KATNAL2: variants seen among roughly 807,000 people sequenced by gnomAD.
KATNAL2 encodes katanin p60 ATPase-containing subunit A-like 2.
A neutral mutation model predicts 76.3 loss-of-function variants in KATNAL2; 52 were observed. The observed-to-expected ratio is 0.68, with a 90% CI of 0.55 to 0.86. KATNAL2 has a LOEUF of 0.86. Ranked by LOEUF, KATNAL2 falls within the 40% of genes least tolerant of loss-of-function variation. KATNAL2 has a pLI of 0.00. For synonymous variants in KATNAL2, 243 were observed against 244.2 expected, an observed-to-expected ratio of 1.00 and a Z score of 0.05; for missense variants, 660 against 668.9, an observed-to-expected ratio of 0.99 and a Z score of 0.15.
At chr18:47,033,497 A>G (rs758786567) in intron 3 of KATNAL2, 1 of 1,614,144 alleles carries the variant, frequency 6.2e-7, no homozygotes, top group Admixed American at 1.7e-5. Flanking sequence ...AAGTCCTGGA[A>G]ACAATGATTC....
intron 1 of KATNAL2, chr18:46,920,227 C>T: frequency 2.2e-6 from 1 of 462,670 alleles, no homozygotes; most frequent in Non-Finnish European, 4.2e-6. Flanking sequence ...AGTATTAGAT[C>T]ACAACTGGGC....
At chr18:47,055,713 G>A (rs771659987) in intron 6 of KATNAL2, among the ~76,000 whole-genome samples, 7 of 152,326 alleles carry the variant, frequency 4.6e-5, no homozygotes, top group African/African-American at 9.6e-5. Context: ...CATGAGGAGC[G>A]TTTGCAGCCA....
At chr18:46,918,713 C>T (rs2058296564) in intron 1 of KATNAL2, among the ~76,000 whole-genome samples, 1 of 152,162 alleles carries the variant, frequency 6.6e-6, no homozygotes, top group Non-Finnish European at 1.5e-5. Context: ...TGAGCCACTG[C>T]ACCCGGCCTC....
intron 15 of KATNAL2, among the ~76,000 whole-genome samples, chr18:47,087,273 C>A (rs573555931): frequency 6.6e-6 from 1 of 152,132 alleles, no homozygotes; most frequent in Non-Finnish European, 1.5e-5. Flanking sequence ...GTAGTCTTCA[C>A]AATAGCAAAG....
chr18:46,961,652 T>A (rs1244337958), intron 3 of KATNAL2, among the ~76,000 whole-genome samples: 1 of 152,232 alleles, frequency 6.6e-6, no homozygotes, highest in Non-Finnish European at 1.5e-5. Context: ...TGTGCCAACG[T>A]TGTCACATCC....
chr18:47,096,363 A>T (rs1266530613), intron 15 of KATNAL2, among the ~76,000 whole-genome samples: 4 of 152,262 alleles, frequency 2.6e-5, no homozygotes, highest in South Asian at 2.1e-4. Context: ...TTTATTTTTT[A>T]AAAAATTTAT....
At chr18:47,098,258 G>A (rs528141949) in intron 15 of KATNAL2, 2 of 390,828 alleles carry the variant, frequency 5.1e-6, no homozygotes, top group South Asian at 1.9e-5. Flanking sequence ...TTTTCATGCT[G>A]CTGGTGAAGA....
At chr18:46,918,542 C>T (rs1013415014) in intron 1 of KATNAL2, among the ~76,000 whole-genome samples, 4 of 152,148 alleles carry the variant, frequency 2.6e-5, no homozygotes. Context: ...GCAATGTCTG[C>T]CTCCCGGGTT....
intron 3 of KATNAL2, chr18:47,034,047 T>G (rs2060630959): frequency 6.2e-7 from 1 of 1,614,194 alleles, no homozygotes; most frequent in East Asian, 2.2e-5. Context: ...TATCTCCAAG[T>G]GCAGTGGTGG....
At chr18:46,960,142 A>G (rs533080815) in intron 3 of KATNAL2, among the ~76,000 whole-genome samples, 1 of 152,256 alleles carries the variant, frequency 6.6e-6, no homozygotes, top group Admixed American at 6.5e-5. Flanking sequence ...TGGAAGGAGA[A>G]CCCCAAAAAA....
chr18:47,084,314 C>T, intron 15 of KATNAL2: 1 of 702,776 alleles, frequency 1.4e-6, no homozygotes, highest in South Asian at 1.5e-5. Context: ...GCAGATGTAA[C>T]CCTTGTTCTT....
intron 5 of KATNAL2, 80 bp from the exon 6 acceptor site, chr18:47,054,316 A>G: frequency 8.0e-7 from 1 of 1,249,720 alleles, no homozygotes; most frequent in Non-Finnish European, 1.2e-6. Flanking sequence ...CAATGCAAAA[A>G]GGGGAAACAT....
At chr18:47,051,090 T>C (rs2576042) in intron 4 of KATNAL2, among the ~76,000 whole-genome samples, 90,646 of 151,802 alleles carry the variant, frequency 0.6, 27,382 homozygotes, top group East Asian at 0.69. Context: ...CTTGTTATTA[T>C]GGCCCAGTAT....
intron 3 of KATNAL2, among the ~76,000 whole-genome samples, chr18:47,032,208 A>G (rs2060498461): frequency 6.6e-6 from 1 of 152,250 alleles, no homozygotes; most frequent in African/African-American, 2.4e-5. Context: ...ACCAGTGATT[A>G]CCATTCACTT....
At chr18:47,066,847 T>TTA (rs56018747) in intron 10 of KATNAL2, among the ~76,000 whole-genome samples, 174 bp from the exon 11 acceptor site, 2,898 of 29,326 alleles carry the variant, frequency 0.099, 186 homozygotes, top group Non-Finnish European at 0.11. Flanking sequence ...ATATATGTGT[T>TTA]TATATATATA....
At chr18:47,034,086 C>T (rs1291199987) in intron 3 of KATNAL2, 3 of 1,614,224 alleles carry the variant, frequency 1.9e-6, no homozygotes, top group East Asian at 4.5e-5. Flanking sequence ...TCTTTTGCTT[C>T]CGCAACTGAT....
intron 1 of KATNAL2, among the ~76,000 whole-genome samples, chr18:46,921,643 A>G (rs375158237): frequency 6.6e-6 from 1 of 152,082 alleles, no homozygotes; most frequent in African/African-American, 2.4e-5. Flanking sequence ...AATTTTTTGT[A>G]TCTAAACAGC....
At chr18:46,958,860 G>A (rs1209293794) in intron 3 of KATNAL2, among the ~76,000 whole-genome samples, 1 of 152,170 alleles carries the variant, frequency 6.6e-6, no homozygotes. Context: ...ACATTCATGT[G>A]TATGCACAAA....
rs769047714 is a variant in KATNAL2, at chr18:47,058,227, T to G, written c.333-8T>G. On this transcript the variant is annotated splice_region_variant and splice_polypyrimidine_tract_variant and intron_variant, in intron 6 of 17. Coordinates refer to ENST00000683218, the MANE Select transcript of KATNAL2 (RefSeq NM_001387690.1). ...AATTTCTTCCAAGGTCTTTGTTCCC[T>G]CCCTTAGGATGATGAACGACAGTTG... 2.5e-6 allele frequency: 4 copies of G among 1,587,680 alleles called. No homozygotes were observed. Among genetic ancestry groups the G allele is most frequent in the Non-Finnish European group, 3.5e-6 (4 of 1,156,460 alleles).
Sources: gnomAD v4.1 joint callset for allele counts (sites outside exome capture counted in the v4.1 genomes callset) on GRCh38, gnomAD v4.1.1 for gene constraint, MANE v1.5 for transcripts, NCBI Gene and HGNC (gene_info 2026-07-23, HGNC 2026-07-21) for gene names.